SNW1: variants seen among roughly 807,000 people sequenced by gnomAD.
The protein encoded by SNW1 is SNW domain containing 1.
Under a neutral mutation model 75.6 loss-of-function variants are expected in SNW1, and 9 were observed. That is an observed-to-expected ratio of 0.12 (90% CI 0.07 to 0.21). SNW1 has a LOEUF of 0.21. SNW1 is among the 10% of genes least tolerant of loss of function. The pLI, the probability that SNW1 is intolerant of heterozygous loss-of-function variation, is 1.00. For synonymous variants in SNW1, 200 were observed against 219.1 expected (o/e 0.91, Z 0.77); for missense variants, 409 against 670.9 (o/e 0.61, Z 4.31).
intron 6 of SNW1, 144 bp from the exon 7 acceptor site, chr14:77,736,150 A>G: frequency 1.7e-6 from 1 of 573,150 alleles, no homozygotes; most frequent in Admixed American, 3.2e-5. Flanking sequence ...TTACCACTCC[A>G]CTTTGACAAT....
At chr14:77,729,475 A>G (rs907403329) in intron 10 of SNW1, among the ~76,000 whole-genome samples, 2 of 152,226 alleles carry the variant, frequency 1.3e-5, no homozygotes, top group African/African-American at 4.8e-5. Context: ...GCATTAGCCC[A>G]TGCCCATTCC....
rs746713596 is a variant in SNW1 at position 77,739,004 on chromosome 14, G to C, written c.388C>G (p.Pro130Ala). 5 of 1,614,042 alleles carry C rather than the reference G, an allele frequency of 3.1e-6. No homozygotes were observed. In the East Asian group the frequency reaches 8.9e-5, roughly 29 times the overall value. ...VPKEVMNADD[P>A]DLQRPDEEAI... ...TCTTCATCGGGCCTTTGCAGGTCTG[G>C]ATCATCTGCATTCATAACCTCCTTT... The change falls in exon 4 of 14, where the codon CCA (proline) becomes GCA (alanine). Residue 130 changes from proline (P) to alanine (A), a missense_variant. Around this residue, in one of 9 missense-constraint regions of SNW1, gnomAD observed 60 missense variants for 62.6 expected, o/e 0.96. Coordinates refer to ENST00000261531, the MANE Select transcript of SNW1 (RefSeq NM_012245.3).
chr14:77,731,173 A>G, intron 9 of SNW1, 44 bp from the exon 10 acceptor site: 1 of 1,595,756 alleles, frequency 6.3e-7, no homozygotes, highest in Non-Finnish European at 8.5e-7. Context: ...ATCATGGGAT[A>G]AATATTTATG....
At chr14:77,746,330 C>T (rs1182056868) in intron 3 of SNW1, among the ~76,000 whole-genome samples, 1 of 152,208 alleles carries the variant, frequency 6.6e-6, no homozygotes, top group Non-Finnish European at 1.5e-5. Flanking sequence ...GAGATGGTTG[C>T]AGGCTTGGCT....
At chr14:77,742,380 A>G (rs890148499) in intron 3 of SNW1, among the ~76,000 whole-genome samples, 2 of 152,082 alleles carry the variant, frequency 1.3e-5, no homozygotes, top group African/African-American at 2.4e-5. Context: ...GTGCTGAGGA[A>G]ACTGAGTACC....
At chr14:77,752,170 G>A (rs1235260859) in intron 2 of SNW1, among the ~76,000 whole-genome samples, 1 of 152,066 alleles carries the variant, frequency 6.6e-6, no homozygotes, top group East Asian at 1.9e-4. Context: ...AGCTATACTT[G>A]GGGCAGAAAT....
chr14:77,757,432 A>G (rs930064384), intron 1 of SNW1, among the ~76,000 whole-genome samples: 10 of 152,196 alleles, frequency 6.6e-5, no homozygotes, highest in African/African-American at 2.4e-4. Flanking sequence ...CTCATCTGTA[A>G]TAATAGTTCA....
chr14:77,723,820 A>C (rs2080563147), intron 10 of SNW1, among the ~76,000 whole-genome samples: 1 of 152,122 alleles, frequency 6.6e-6, no homozygotes, highest in Non-Finnish European at 1.5e-5. Context: ...ATGCCGGGCT[A>C]ATTTTTTATT....
chr14:77,724,370 TTAAC>T (rs1341188684), intron 10 of SNW1, among the ~76,000 whole-genome samples: 3 of 152,366 alleles, frequency 2.0e-5, no homozygotes, highest in Non-Finnish European at 2.9e-5. Context: ...TAAATTATCA[TTAAC>T]TATTCTTCTC....
Position 77,730,970 on chromosome 14 carries a change from G to A in SNW1, c.1033+18C>T. ...TGTTCACCAAGCAAAATTCAATTCA[G>A]TAATGAGAATGTCATACCTTTTTCC... On this transcript the variant is annotated intron_variant, in intron 10 of 13. Coordinates refer to ENST00000261531, the MANE Select transcript of SNW1 (RefSeq NM_012245.3). 5 of 1,607,722 alleles carry A rather than the reference G, an allele frequency of 3.1e-6. No homozygotes were observed. Among genetic ancestry groups the A allele is most frequent in the Non-Finnish European group, 4.2e-6 (5 of 1,178,370 alleles).
chr14:77,751,844 A>ACACACACACC (rs1462846876), intron 2 of SNW1, among the ~76,000 whole-genome samples: 1 of 119,156 alleles, frequency 8.4e-6, no homozygotes, highest in African/African-American at 3.8e-5. Flanking sequence ...ACACACACAC[A>ACACACACACC]CCACACACAC....
At chr14:77,729,658 C>T (rs1227728239) in intron 10 of SNW1, among the ~76,000 whole-genome samples, 1 of 151,958 alleles carries the variant, frequency 6.6e-6, no homozygotes, top group Non-Finnish European at 1.5e-5. Flanking sequence ...TGAAATTTGC[C>T]AAGAGAGTAG....
chr14:77,721,362 C>A (rs2080539344), intron 11 of SNW1, among the ~76,000 whole-genome samples: 1 of 152,124 alleles, frequency 6.6e-6, no homozygotes, highest in African/African-American at 2.4e-5. Flanking sequence ...ATATATGCAA[C>A]CTACATCCCA....
intron 11 of SNW1, chr14:77,722,386 C>A (rs2080548592): frequency 2.8e-6 from 1 of 362,818 alleles, no homozygotes; most frequent in East Asian, 7.4e-5. Flanking sequence ...TAAACTACTC[C>A]TAAAAATGAG....
intron 8 of SNW1, 112 bp downstream of exon 8, chr14:77,734,835 A>G (rs1375073037): frequency 1.4e-5 from 10 of 701,902 alleles, no homozygotes; most frequent in Non-Finnish European, 2.2e-5. Flanking sequence ...CTTTTTGAAA[A>G]TGCTCAGTTA....
chr14:77,752,446 TTCAG>T (rs2080816179), intron 2 of SNW1, among the ~76,000 whole-genome samples: 1 of 152,206 alleles, frequency 6.6e-6, no homozygotes, highest in African/African-American at 2.4e-5. Flanking sequence ...TTAAAAAAAA[TTCAG>T]TAGTATTTGC....
chr14:77,737,973 C>CA (rs1233362732), intron 5 of SNW1, among the ~76,000 whole-genome samples: 2 of 107,900 alleles, frequency 1.9e-5, no homozygotes, highest in Admixed American at 1.4e-4. Context: ...GCCTGGGTGA[C>CA]AGAGTGAGAC....
chr14:77,750,254 G>T (rs2080796943), intron 3 of SNW1, among the ~76,000 whole-genome samples: 1 of 152,098 alleles, frequency 6.6e-6, no homozygotes, highest in African/African-American at 2.4e-5. Context: ...ACAGAAGAAG[G>T]CATTTCGTGC....
chr14:77,761,117 G>C lies in SNW1; in HGVS notation c.11C>G (p.Thr4Ser), dbSNP rs900618935. 1.2e-6 allele frequency: 2 copies of C among 1,614,204 alleles called. No homozygotes were observed. Among genetic ancestry groups the C allele is most frequent in the South Asian group, 2.2e-5 (2 of 91,056 alleles). MAL[T>S]SFLPAPTQLS... ...AGGACCCCAATCAACAACCCACCTGGTGAGCGCCATCTTCTTCCGCTTCTT... is the reference window on the plus strand; with the variant it reads ...AGGACCCCAATCAACAACCCACCTGCTGAGCGCCATCTTCTTCCGCTTCTT... Residue 4 changes from threonine (T) to serine (S), a missense_variant, in exon 1 of 14, where the codon ACC (threonine) becomes AGC (serine). Around this residue, in one of 9 missense-constraint regions of SNW1, gnomAD observed 73 missense variants for 68.3 expected, o/e 1.07. Coordinates refer to ENST00000261531, the MANE Select transcript of SNW1 (RefSeq NM_012245.3).
Sources: gnomAD v4.1 joint callset for allele counts (sites outside exome capture counted in the v4.1 genomes callset) on GRCh38, gnomAD v4.1.1 for gene constraint, gnomAD v4.1.1 regional missense constraint, MANE v1.5 for transcripts, NCBI Gene and HGNC (gene_info 2026-07-23, HGNC 2026-07-21) for gene names.